SHISA6: variants seen among roughly 807,000 people sequenced by gnomAD.
The protein encoded by SHISA6 is protein shisa-6.
SHISA6 carries 22 observed loss-of-function variants against 47.9 expected under a neutral mutation model. The ratio of observed to expected loss-of-function variants is 0.46; its 90% CI spans 0.33 to 0.66. The LOEUF is 0.66. Ranked by LOEUF, SHISA6 falls within the 30% of genes least tolerant of loss-of-function variation. The pLI, the probability that SHISA6 is intolerant of heterozygous loss-of-function variation, is 0.02. For synonymous variants in SHISA6, 388 were observed against 337.8 expected (o/e 1.15, Z -1.63); for missense variants, 680 against 764.6 (o/e 0.89, Z 1.30).
At chr17:11,308,186 C>T (rs111311626) in intron 2 of SHISA6, among the ~76,000 whole-genome samples, 2 of 152,266 alleles carry the variant, frequency 1.3e-5, no homozygotes, top group African/African-American at 4.8e-5. Context: ...TCCAGAGGGA[C>T]GAACCATCTG....
intron 1 of SHISA6, among the ~76,000 whole-genome samples, chr17:11,255,186 A>G (rs2142139985): frequency 6.6e-6 from 1 of 152,372 alleles, no homozygotes; most frequent in Middle Eastern, 3.4e-3. Flanking sequence ...GACAGGCTGA[A>G]TACATGAGTT....
At chr17:11,325,008 T>C (rs1247463218) in intron 2 of SHISA6, among the ~76,000 whole-genome samples, 2 of 152,164 alleles carry the variant, frequency 1.3e-5, no homozygotes, top group African/African-American at 4.8e-5. Flanking sequence ...AAGCAAACCC[T>C]GACATCCTAG....
At chr17:11,333,853 A>G in intron 2 of SHISA6, among the ~76,000 whole-genome samples, 1 of 152,038 alleles carries the variant, frequency 6.6e-6, no homozygotes, top group East Asian at 1.9e-4. Context: ...CCCCTAAACA[A>G]TGGAGGGTGG....
At chr17:11,357,417 A>G (rs146362297) in intron 2 of SHISA6, among the ~76,000 whole-genome samples, 143 of 152,306 alleles carry the variant, frequency 9.4e-4, no homozygotes, top group Non-Finnish European at 1.9e-3. Flanking sequence ...CCATTAAGGA[A>G]ACTTTGGAAA....
chr17:11,356,352 G>C (rs1912078104), intron 2 of SHISA6, among the ~76,000 whole-genome samples: 1 of 152,142 alleles, frequency 6.6e-6, no homozygotes, highest in African/African-American at 2.4e-5. Flanking sequence ...CCCCTCCAGA[G>C]ACTCTCCATT....
intron 3 of SHISA6, among the ~76,000 whole-genome samples, chr17:11,414,286 C>A (rs577980681): frequency 4.6e-5 from 7 of 152,282 alleles, no homozygotes; most frequent in Non-Finnish European, 8.8e-5. Flanking sequence ...TGCAGTATCT[C>A]ATTCTTGACT....
intron 3 of SHISA6, among the ~76,000 whole-genome samples, chr17:11,539,238 G>A (rs949194806): frequency 2.6e-5 from 4 of 152,096 alleles, no homozygotes; most frequent in Admixed American, 2.0e-4. Flanking sequence ...CACCACACCC[G>A]GCCCACCTCT....
chr17:11,428,200 C>T (rs539227439), intron 3 of SHISA6, among the ~76,000 whole-genome samples: 6 of 152,318 alleles, frequency 3.9e-5, no homozygotes, highest in Admixed American at 2.6e-4. Context: ...CCCAGAGACA[C>T]GCAGTTAATT....
chr17:11,302,837 T>C (rs758691528), intron 2 of SHISA6, among the ~76,000 whole-genome samples: 4 of 116,192 alleles, frequency 3.4e-5, no homozygotes, highest in Non-Finnish European at 7.2e-5. Context: ...AATATGGGGG[T>C]GGGGGAAAAA....
chr17:11,471,252 G>A (rs1199995343), intron 3 of SHISA6, among the ~76,000 whole-genome samples: 2 of 149,652 alleles, frequency 1.3e-5, no homozygotes, highest in Non-Finnish European at 3.0e-5. Flanking sequence ...GAAGGTGCTA[G>A]AACCCCAGAG....
intron 2 of SHISA6, among the ~76,000 whole-genome samples, chr17:11,285,467 A>G (rs1909263424): frequency 1.3e-5 from 2 of 152,174 alleles, no homozygotes; most frequent in Admixed American, 1.3e-4. Context: ...TAAAAAGGGG[A>G]GAAGGGGTGT....
chr17:11,430,776 A>G (rs189170641), intron 3 of SHISA6, among the ~76,000 whole-genome samples: 1 of 152,330 alleles, frequency 6.6e-6, no homozygotes, highest in East Asian at 1.9e-4. Flanking sequence ...GTAGGGTGTG[A>G]ACCCCATTGC....
chr17:11,430,803 G>C (rs548575364), intron 3 of SHISA6, among the ~76,000 whole-genome samples: 1 of 152,318 alleles, frequency 6.6e-6, no homozygotes, highest in Non-Finnish European at 1.5e-5. Flanking sequence ...CATTCTGAAT[G>C]CTTCTTACTT....
At chr17:11,529,437 A>G (rs931117821) in intron 3 of SHISA6, among the ~76,000 whole-genome samples, 7 of 152,252 alleles carry the variant, frequency 4.6e-5, no homozygotes, top group African/African-American at 1.7e-4. Context: ...TAGAACCAAT[A>G]TGTATTATTT....
chr17:11,509,031 T>G (rs1309286377), intron 3 of SHISA6, among the ~76,000 whole-genome samples: 4 of 152,180 alleles, frequency 2.6e-5, no homozygotes, highest in African/African-American at 9.7e-5. Context: ...CAGCTGATTA[T>G]AAAATCCTCC....
At chr17:11,482,991 A>G (rs1001089009) in intron 3 of SHISA6, among the ~76,000 whole-genome samples, 5 of 152,138 alleles carry the variant, frequency 3.3e-5, no homozygotes, top group African/African-American at 1.2e-4. Context: ...TAAAGCAAAC[A>G]GCAAAAAAAA....
intron 2 of SHISA6, among the ~76,000 whole-genome samples, chr17:11,376,623 C>T (rs993412829): frequency 1.3e-5 from 2 of 152,210 alleles, no homozygotes; most frequent in African/African-American, 4.8e-5. Context: ...TGCGCCCGGC[C>T]TGGGGCTTCC....
chr17:11,278,827 C>T (rs950769440), intron 2 of SHISA6, among the ~76,000 whole-genome samples: 11 of 152,170 alleles, frequency 7.2e-5, no homozygotes, highest in African/African-American at 2.2e-4. Flanking sequence ...CTTTAATACA[C>T]GTGGCGTTTC....
chr17:11,315,063 A>G (rs968075084), intron 2 of SHISA6, among the ~76,000 whole-genome samples: 3 of 152,186 alleles, frequency 2.0e-5, no homozygotes, highest in African/African-American at 7.2e-5. Flanking sequence ...GGGCAGATTG[A>G]CATTTTAAAC....
Sources: gnomAD v4.1 joint callset for allele counts (sites outside exome capture counted in the v4.1 genomes callset) on GRCh38, gnomAD v4.1.1 for gene constraint, MANE v1.5 for transcripts, NCBI Gene and HGNC (gene_info 2026-07-23, HGNC 2026-07-21) for gene names.